Variants in ADGRV1 observed in about 807,000 individuals in gnomAD.
ADGRV1 encodes adhesion G protein-coupled receptor V1.
A neutral mutation model predicts 596.2 loss-of-function variants in ADGRV1; 359 were observed. That is an observed-to-expected ratio of 0.60 (90% CI 0.55 to 0.66). ADGRV1 has a LOEUF of 0.66. Among genes scored for constraint, ADGRV1 ranks in the 30% least tolerant of loss-of-function variants. The probability of loss-of-function intolerance (pLI) is 0.00; values close to 1 mark genes in which losing one functional copy is unlikely to be tolerated. For synonymous variants in ADGRV1, 2,681 were observed against 2,679.2 expected (o/e 1.00, Z -0.02); for missense variants, 7,274 against 7,575.6 (o/e 0.96, Z 1.48).
At chr5:90,780,793 T>C (rs1436369281) in intron 64 of ADGRV1, among the ~76,000 whole-genome samples, 3 of 152,130 alleles carry the variant, frequency 2.0e-5, no homozygotes, top group Non-Finnish European at 4.4e-5. Flanking sequence ...TTTGAATGCC[T>C]GGACTAAAGG....
chr5:90,657,040 C>G (rs1336631403), intron 20 of ADGRV1, among the ~76,000 whole-genome samples: 1 of 151,936 alleles, frequency 6.6e-6, no homozygotes, highest in Admixed American at 6.6e-5. Flanking sequence ...CTTATGAATT[C>G]TCACAACTTT....
At chr5:90,858,098 G>A (rs2247546) in intron 82 of ADGRV1, among the ~76,000 whole-genome samples, 69,770 of 151,866 alleles carry the variant, frequency 0.46, 18,058 homozygotes, top group Admixed American at 0.64. Flanking sequence ...GAAAGAAAAG[G>A]GCATATACCT....
Position 91,036,980 on chromosome 5 carries a change from A to G in ADGRV1, c.18153-35467A>G, listed in dbSNP as rs28449936. Among the ~76,000 whole-genome samples the G allele has an allele frequency of 9.7e-3, 1,473 of 152,332 alleles. 14 individuals are homozygous for G. Among genetic ancestry groups the G allele is most frequent in the African/African-American group, 0.032 (1,330 of 41,576 alleles). On this transcript the variant is annotated intron_variant, in intron 85 of 89. Coordinates refer to ENST00000405460, the MANE Select transcript of ADGRV1 (RefSeq NM_032119.4). ...GAAATACTACCCTACTTGCTAGCTAATAAGTTAGCCTGCCACAGTTTCATG... is the reference window on the plus strand; with the variant it reads ...GAAATACTACCCTACTTGCTAGCTAGTAAGTTAGCCTGCCACAGTTTCATG...
intron 34 of ADGRV1, among the ~76,000 whole-genome samples, chr5:90,702,248 C>A (rs1025757964): frequency 5.3e-5 from 8 of 151,890 alleles, no homozygotes; most frequent in Non-Finnish European, 1.0e-4. Flanking sequence ...CTAGCAATGG[C>A]TGACTATACA....
At chr5:90,662,082 G>C (rs142243206) in intron 21 of ADGRV1, among the ~76,000 whole-genome samples, 1 of 151,628 alleles carries the variant, frequency 6.6e-6, no homozygotes. Flanking sequence ...TTCATATATA[G>C]AGTATACACA....
At chr5:90,763,197 C>G in intron 58 of ADGRV1, 108 bp from the exon 59 acceptor site, 2 of 1,002,196 alleles carry the variant, frequency 2.0e-6, no homozygotes, top group Non-Finnish European at 2.7e-6. Flanking sequence ...ATGTAACATT[C>G]TAAATTATAA....
chr5:90,818,993 C>T (rs1255090867), intron 75 of ADGRV1, among the ~76,000 whole-genome samples: 1 of 152,016 alleles, frequency 6.6e-6, no homozygotes, highest in Non-Finnish European at 1.5e-5. Context: ...AGGAATGGTA[C>T]CAGTTCCTCC....
intron 85 of ADGRV1, among the ~76,000 whole-genome samples, chr5:91,014,176 C>CACACACACACA (rs56292568): frequency 0.012 from 1,479 of 124,126 alleles, 120 homozygotes; most frequent in Middle Eastern, 0.043. Context: ...ACACACACAC[C>CACACACACACA]CCTAGACATA....
chr5:91,075,174 A>G (rs1037313982), intron 86 of ADGRV1, among the ~76,000 whole-genome samples: 1 of 151,966 alleles, frequency 6.6e-6, no homozygotes, highest in Non-Finnish European at 1.5e-5. Flanking sequence ...GCTGTGCAGG[A>G]GCTCTTTAGT....
chr5:90,821,556 T>G (rs1036389823), intron 75 of ADGRV1, among the ~76,000 whole-genome samples: 9 of 151,114 alleles, frequency 6.0e-5, no homozygotes, highest in African/African-American at 1.5e-4. Context: ...TTTATCTACT[T>G]TTGGTCTTTG....
At chr5:90,614,254 T>C in intron 1 of ADGRV1, 1 of 377,418 alleles carries the variant, frequency 2.6e-6, no homozygotes, top group Non-Finnish European at 5.0e-6. Context: ...GTGGTCTTAG[T>C]ATTTTAGCTA....
At chr5:90,763,544 T>C (rs1390364883) in intron 59 of ADGRV1, 75 bp downstream of exon 59, 1 of 1,445,712 alleles carries the variant, frequency 6.9e-7, no homozygotes, top group Admixed American at 1.7e-5. Context: ...TTATTGTAAA[T>C]TCAGGGAGCA....
At chr5:90,646,494 G>A (rs913135752) in intron 16 of ADGRV1, among the ~76,000 whole-genome samples, 1 of 151,746 alleles carries the variant, frequency 6.6e-6, no homozygotes, top group Non-Finnish European at 1.5e-5. Flanking sequence ...GTATTAGAAG[G>A]ACCTGAGTAT....
chr5:90,910,700 G>A (rs979559775), intron 83 of ADGRV1, among the ~76,000 whole-genome samples: 3 of 151,752 alleles, frequency 2.0e-5, no homozygotes, highest in Non-Finnish European at 4.4e-5. Context: ...AAGTTTTCAG[G>A]GGATTATTCT....
chr5:90,740,045 A>T (rs1381949987), intron 50 of ADGRV1, among the ~76,000 whole-genome samples: 2 of 152,172 alleles, frequency 1.3e-5, no homozygotes, highest in African/African-American at 4.8e-5. Flanking sequence ...CTAGATTCAG[A>T]TAATTGCTGA....
chr5:90,671,132 G>A (rs1411453782), intron 21 of ADGRV1, among the ~76,000 whole-genome samples: 1 of 152,192 alleles, frequency 6.6e-6, no homozygotes, highest in African/African-American at 2.4e-5. Flanking sequence ...TTGAAGTATT[G>A]TCCATCAGGA....
intron 78 of ADGRV1, among the ~76,000 whole-genome samples, chr5:90,847,919 G>A (rs1163290766): frequency 6.6e-6 from 1 of 152,158 alleles, no homozygotes. Flanking sequence ...GTGCAGCGGT[G>A]GGCTGAAGGG....
chr5:91,150,198 A>C lies in ADGRV1; in HGVS notation c.18601A>C (p.Asn6201His), dbSNP rs201299038. ...AGGGGAAATCAGCAAGTCCACCCAG[A>C]ATCTCATCGGTGCTATGGAGGAGGT... ...AGGEISKSTQ[N>H]LIGAMEEVPP... The change falls in exon 88 of 90, where the codon AAT becomes CAT. Residue 6201 changes from asparagine (N) to histidine (H), a missense_variant. Around this residue, in one of 5 missense-constraint regions of ADGRV1, gnomAD observed 1,874 missense variants for 1,970.2 expected, o/e 0.95. Transcript: ENST00000405460. 3.1e-5 allele frequency: 50 copies of C among 1,587,370 alleles called. No individual in the cohort carries two copies. In the East Asian group the frequency reaches 1.0e-3, roughly 33 times the overall value.
chr5:90,725,737 C>A, intron 48 of ADGRV1, 81 bp downstream of exon 48: 9 of 817,472 alleles, frequency 1.1e-5, no homozygotes, highest in Non-Finnish European at 1.8e-5. Context: ...AAGGTATGGT[C>A]TGCTGGTTTA....
Sources: gnomAD v4.1 joint callset for allele counts (sites outside exome capture counted in the v4.1 genomes callset) on GRCh38, gnomAD v4.1.1 for gene constraint, gnomAD v4.1.1 regional missense constraint, MANE v1.5 for transcripts, NCBI Gene and HGNC (gene_info 2026-07-23, HGNC 2026-07-21) for gene names.